NSFL1C: variants seen among roughly 807,000 people sequenced by gnomAD.
NSFL1C encodes NSFL1 cofactor.
NSFL1C carries 14 observed loss-of-function variants against 43.1 expected under a neutral mutation model. That is an observed-to-expected ratio of 0.32 (90% CI 0.21 to 0.51). The LOEUF (loss-of-function observed/expected upper bound fraction) is 0.51. NSFL1C is among the 20% of genes least tolerant of loss of function. The probability of loss-of-function intolerance (pLI) is 0.98; values close to 1 mark genes in which losing one functional copy is unlikely to be tolerated. For synonymous variants in NSFL1C, 171 were observed against 183.5 expected, an observed-to-expected ratio of 0.93 and a Z score of 0.55; for missense variants, 406 against 472.5, an observed-to-expected ratio of 0.86 and a Z score of 1.30.
At chr20:1,446,941 A>AT (rs1376890912) in intron 7 of NSFL1C, among the ~76,000 whole-genome samples, 1 of 152,232 alleles carries the variant, frequency 6.6e-6, no homozygotes, top group Non-Finnish European at 1.5e-5. Context: ...AGTGTGTTCC[A>AT]TAGGAAGGAA....
chr20:1,455,380 G>C (rs148928537), intron 3 of NSFL1C, among the ~76,000 whole-genome samples: 5 of 152,334 alleles, frequency 3.3e-5, no homozygotes, highest in African/African-American at 7.2e-5. Context: ...CTTCTGGGCT[G>C]AATCTTGAGG....
chr20:1,454,654 C>T (rs1044914749), intron 4 of NSFL1C, among the ~76,000 whole-genome samples: 3 of 152,132 alleles, frequency 2.0e-5, no homozygotes, highest in African/African-American at 4.8e-5. Flanking sequence ...ACAGAAATCC[C>T]GATTTTATAT....
At chr20:1,446,156 TG>T (rs1185722765) in intron 7 of NSFL1C, 2 of 453,820 alleles carry the variant, frequency 4.4e-6, no homozygotes, top group African/African-American at 4.0e-5. Flanking sequence ...CAGCCTAGGG[TG>T]GGAGAGACAG....
In NSFL1C at chr20:1,455,011, C is replaced by T. The variant is rs150567782; in HGVS notation, c.400G>A (p.Val134Met). 1.5e-5 allele frequency: 25 copies of T among 1,614,044 alleles called. No homozygotes were observed. Among genetic ancestry groups the T allele is most frequent in the Non-Finnish European group, 2.1e-5 (25 of 1,180,046 alleles). The change falls in exon 4 of 9, where the codon GTG becomes ATG. Residue 134 changes from valine to methionine, a missense_variant. This residue lies in a region of NSFL1C where 203 missense variants were observed against 216.3 expected (regional missense o/e 0.94). Transcript: ENST00000216879. ...KGAKEHGAVA[V>M]ERVTKSPGET... Reference sequence around the variant, plus strand: ...CCAGGGCTCTTGGTCACTCGCTCCACAGCTACAGCTCCATGCTCTTTGGCA... The same window carrying T: ...CCAGGGCTCTTGGTCACTCGCTCCATAGCTACAGCTCCATGCTCTTTGGCA...
rs904653156 is a variant in NSFL1C at position 1,453,061 on chromosome 20, T to C, written c.617A>G (p.Asn206Ser). 12 of 1,613,094 alleles carry C rather than the reference T, an allele frequency of 7.4e-6. No individual in the cohort carries two copies. The highest frequency in any genetic ancestry group is 9.3e-6 in the Non-Finnish European group (11 of 1,179,060). ...GELRSYQDPS[N>S]AQFLESIRRG... ...GCGGATAGACTCCAGAAACTGGGCA[T>C]TGGATGGGTCTTGGTAGCTTCTGAG... is the stretch of plus-strand genomic sequence containing the variant. Residue 206 changes from asparagine to serine, a missense_variant, in exon 6 of 9, where the codon AAT becomes AGT. This residue lies in a region of NSFL1C where 196 missense variants were observed against 228.0 expected (regional missense o/e 0.86). Coordinates refer to ENST00000216879, the MANE Select transcript of NSFL1C (RefSeq NM_016143.5).
At chr20:1,444,767 T>C (rs967281437) in intron 8 of NSFL1C, among the ~76,000 whole-genome samples, 1 of 152,202 alleles carries the variant, frequency 6.6e-6, no homozygotes, top group Non-Finnish European at 1.5e-5. Flanking sequence ...CTGAGCTTAA[T>C]GAGTGAAATG....
At chr20:1,444,071 G>A (rs1045925488) in intron 8 of NSFL1C, among the ~76,000 whole-genome samples, 160 bp from the exon 9 acceptor site, 1 of 152,186 alleles carries the variant, frequency 6.6e-6, no homozygotes, top group African/African-American at 2.4e-5. Context: ...TCCTTGCCAA[G>A]AGTCCTTCAC....
At chr20:1,464,300 A>G (rs2090467156) in intron 2 of NSFL1C, 29 bp downstream of exon 2, 4 of 1,588,572 alleles carry the variant, frequency 2.5e-6, no homozygotes, top group Non-Finnish European at 8.6e-7. Context: ...GGAAACACTC[A>G]TGTAGCGATA....
chr20:1,457,736 G>A (rs1254232646), intron 3 of NSFL1C, among the ~76,000 whole-genome samples: 1 of 152,112 alleles, frequency 6.6e-6, no homozygotes, highest in Non-Finnish European at 1.5e-5. Flanking sequence ...CTCTATCCAT[G>A]TTGTTGAAAA....
At chr20:1,446,431 A>G (rs1379350324) in intron 7 of NSFL1C, among the ~76,000 whole-genome samples, 1 of 152,100 alleles carries the variant, frequency 6.6e-6, no homozygotes, top group African/African-American at 2.4e-5. Flanking sequence ...GGGCACTGAA[A>G]AGCCAATTAA....
intron 5 of NSFL1C, 23 bp from the exon 6 acceptor site, chr20:1,453,163 G>T: frequency 7.5e-7 from 1 of 1,338,624 alleles, no homozygotes; most frequent in Non-Finnish European, 1.1e-6. Context: ...GGAGTAAACA[G>T]TTACCAGGGA....
intron 7 of NSFL1C, among the ~76,000 whole-genome samples, chr20:1,447,164 C>A (rs1382515681): frequency 6.6e-6 from 1 of 152,210 alleles, no homozygotes; most frequent in African/African-American, 2.4e-5. Flanking sequence ...ATTACTAGCA[C>A]TAGAGAAGCT....
chr20:1,462,113 T>C (rs1050307597), intron 2 of NSFL1C, among the ~76,000 whole-genome samples: 3 of 152,174 alleles, frequency 2.0e-5, no homozygotes, highest in Admixed American at 1.3e-4. Flanking sequence ...AGAATCCTTA[T>C]TCTAGAGTTG....
At chr20:1,454,379 T>C (rs896649491) in intron 4 of NSFL1C, 74 bp from the exon 5 acceptor site, 4 of 1,026,488 alleles carry the variant, frequency 3.9e-6, no homozygotes, top group Non-Finnish European at 6.0e-6. Flanking sequence ...CAATGATATA[T>C]ATATCTTAGG....
chr20:1,459,569 C>T (rs1472620836), intron 2 of NSFL1C, among the ~76,000 whole-genome samples: 1 of 152,172 alleles, frequency 6.6e-6, no homozygotes, highest in African/African-American at 2.4e-5. Context: ...AGGAAGAAAG[C>T]TCCAGTTCAG....
At chr20:1,459,905 C>G (rs1245213792) in intron 2 of NSFL1C, among the ~76,000 whole-genome samples, 1 of 152,210 alleles carries the variant, frequency 6.6e-6, no homozygotes, top group Non-Finnish European at 1.5e-5. Context: ...TATTTTCTAT[C>G]TCCCTGTTGT....
chr20:1,452,610 C>T lies in NSFL1C; in HGVS notation c.668G>A (p.Arg223Gln), dbSNP rs775077738. 17 of 1,614,014 alleles carry T rather than the reference C, an allele frequency of 1.1e-5. No homozygotes were observed. The highest frequency in any genetic ancestry group is 6.7e-5 in the Admixed American group (4 of 60,008). The change falls in exon 7 of 9, where the codon CGG (arginine) becomes CAG (glutamine). Residue 223 changes from arginine (R) to glutamine (Q), a missense_variant. Coordinates refer to ENST00000216879, the MANE Select transcript of NSFL1C (RefSeq NM_016143.5). The part of the protein sequence containing the change: ...IRRGEVPAEL[R>Q]RLAHGGQVNL... Reference sequence around the variant, plus strand: ...CACCTGTCCACCGTGAGCTAGCCTCCGAAGCTCTGCTGGCACCTCCCTGTG... The same window carrying T: ...CACCTGTCCACCGTGAGCTAGCCTCTGAAGCTCTGCTGGCACCTCCCTGTG...
chr20:1,453,018 C>CT lies in NSFL1C; in HGVS notation c.647+12dup. ...CACTGATTTGGGACCTACAGGAGGG[C>CT]TTTTTCACTCACCCTCTGCGGATAG... On this transcript the variant is annotated intron_variant, in intron 6 of 8. Transcript: ENST00000216879. The CT allele has an allele frequency of 6.7e-7, 1 of 1,496,626 alleles. No homozygotes were observed. Among genetic ancestry groups the CT allele is most frequent in the Non-Finnish European group, 9.3e-7 (1 of 1,072,676 alleles). The allele number at this position is 1,496,626 out of a possible 1,614,324, so 92.7% of individuals were successfully genotyped here. A position where few individuals can be genotyped will look rare whatever the true frequency, so the allele number is the denominator to read the frequency against.
At chr20:1,453,265 T>G in intron 5 of NSFL1C, 125 bp from the exon 6 acceptor site, 1 of 642,738 alleles carries the variant, frequency 1.6e-6, no homozygotes, top group South Asian at 1.7e-5. Flanking sequence ...GAGACACACA[T>G]ATATACATGT....
Sources: allele counts gnomAD v4.1 joint callset (sites outside exome capture counted in the v4.1 genomes callset), GRCh38; gene constraint gnomAD v4.1.1; regional missense constraint gnomAD v4.1.1; transcripts MANE v1.5; gene names NCBI Gene and HGNC (gene_info 2026-07-23, HGNC 2026-07-21).